The following METTL6 variants were observed in gnomAD, a reference collection of about 807,000 sequenced individuals.
The protein encoded by METTL6 is methyltransferase 6, tRNA N3-cytidine, also known as tRNA N(3)-cytidine methyltransferase METTL6.
Under a neutral mutation model 26.4 loss-of-function variants are expected in METTL6, and 22 were observed. The observed-to-expected ratio is 0.83, with a 90% CI of 0.59 to 1.19. The LOEUF is 1.19. METTL6 is among the 50% of genes most tolerant of loss of function. The pLI, the probability that METTL6 is intolerant of heterozygous loss-of-function variation, is 0.00. For synonymous variants in METTL6, 109 were observed against 116.2 expected, an observed-to-expected ratio of 0.94 and a Z score of 0.40; for missense variants, 304 against 324.8, an observed-to-expected ratio of 0.94 and a Z score of 0.49.
chr3:15,413,869 G>A (rs1176360249), intron 5 of METTL6, 152 bp downstream of exon 5: 1 of 1,520,236 alleles, frequency 6.6e-7, no homozygotes, highest in South Asian at 1.2e-5. Context: ...GTGCCTTCCA[G>A]GTGCTGGGTA....
At chr3:15,394,054 A>T (rs1032878409) in intron 6 of METTL6, among the ~76,000 whole-genome samples, 5 of 152,172 alleles carry the variant, frequency 3.3e-5, no homozygotes, top group African/African-American at 1.2e-4. Context: ...ATTGATTGGA[A>T]TAGTTTCAGA....
At chr3:15,406,294 A>G (rs967602864), downstream of METTL6, among the ~76,000 whole-genome samples, 34 of 151,700 alleles carry the variant, frequency 2.2e-4, no homozygotes, top group African/African-American at 7.7e-4. Context: ...TAAGCACCCA[A>G]ACGTGGGAGA....
chr3:15,381,316 C>T (rs55798276), exon 7 of METTL6: 39,030 of 151,924 alleles, frequency 0.26, 5,377 homozygotes, highest in Non-Finnish European at 0.31. Context: ...AGCCAGCAAA[C>T]CAAGAAAATG....
chr3:15,416,956 G>C (rs763598624), intron 3 of METTL6, among the ~76,000 whole-genome samples: 4 of 152,204 alleles, frequency 2.6e-5, no homozygotes, highest in Non-Finnish European at 4.4e-5. Context: ...TAGACAGGGT[G>C]AATCTAATTC....
chr3:15,401,895 G>C (rs563242859), intron 6 of METTL6, among the ~76,000 whole-genome samples: 7 of 152,182 alleles, frequency 4.6e-5, no homozygotes, highest in Non-Finnish European at 5.9e-5. Context: ...TATACTCAGT[G>C]GGGCAGCCCA....
downstream of METTL6, among the ~76,000 whole-genome samples, chr3:15,405,487 T>A (rs557583661): frequency 2.0e-5 from 3 of 152,340 alleles, no homozygotes; most frequent in African/African-American, 7.2e-5. Flanking sequence ...ATGGGATTGA[T>A]CTTATGAGCT....
intron 6 of METTL6, among the ~76,000 whole-genome samples, chr3:15,389,587 T>C (rs1020208036): frequency 6.6e-6 from 1 of 152,222 alleles, no homozygotes; most frequent in African/African-American, 2.4e-5. Flanking sequence ...TTCACTCTTA[T>C]TGTCCAGGCT....
intron 6 of METTL6, among the ~76,000 whole-genome samples, chr3:15,396,839 C>T (rs1383378419): frequency 6.6e-6 from 1 of 152,170 alleles, no homozygotes; most frequent in Non-Finnish European, 1.5e-5. Flanking sequence ...TTGATCATTC[C>T]TCTGGGAGTT....
chr3:15,412,642 C>G (rs1277432621), intron 5 of METTL6, among the ~76,000 whole-genome samples: 1 of 151,590 alleles, frequency 6.6e-6, no homozygotes, highest in Non-Finnish European at 1.5e-5. Context: ...TGCCACCACT[C>G]CTGGCTAATA....
chr3:15,420,689 G>C (rs544479038), intron 3 of METTL6, among the ~76,000 whole-genome samples: 1 of 152,270 alleles, frequency 6.6e-6, no homozygotes, highest in South Asian at 2.1e-4. Flanking sequence ...ACAACATCTA[G>C]TTCTAGATGT....
chr3:15,393,374 T>C, intron 6 of METTL6, among the ~76,000 whole-genome samples: 1 of 152,226 alleles, frequency 6.6e-6, no homozygotes, highest in East Asian at 1.9e-4. Flanking sequence ...TGAAGTTGCT[T>C]ATGAGCTTAA....
rs751435093 is a variant in METTL6, at chr3:15,426,403, A to C, written c.109T>G (p.Leu37Val). Residue 37 changes from leucine (L) to valine (V), a missense_variant, in exon 2 of 6, where the codon TTG (leucine) becomes GTG (valine). By Grantham distance (32) the Leu-to-Val change is conservative (BLOSUM62 1). Coordinates refer to ENST00000383790, the MANE Select transcript of METTL6 (RefSeq NM_152396.4). ...TLVSDFKQQK[L>V]EQEAQKNWDL... ...CAATTTTTCTGAGCCTCTTGTTCCA[A>C]TTTCTGCTGTTTAAAATCAGACACC... 2.6e-5 allele frequency: 42 copies of C among 1,614,046 alleles called. No homozygotes were observed. The highest frequency in any genetic ancestry group is 1.3e-5 in the African/African-American group (1 of 74,898).
intron 3 of METTL6, 116 bp downstream of exon 3, chr3:15,424,839 C>T: frequency 2.2e-6 from 3 of 1,343,648 alleles, no homozygotes; most frequent in Non-Finnish European, 3.1e-6. Flanking sequence ...TGTATGGTGA[C>T]TATAGCTGGT....
At chr3:15,415,700 A>G in intron 4 of METTL6, 72 bp downstream of exon 4, 1 of 1,597,048 alleles carries the variant, frequency 6.3e-7, no homozygotes, top group Non-Finnish European at 8.5e-7. Context: ...ACAGTACATG[A>G]GCCTCATGAG....
At chr3:15,397,376 G>A (rs376561569) in intron 6 of METTL6, among the ~76,000 whole-genome samples, 7 of 152,124 alleles carry the variant, frequency 4.6e-5, no homozygotes, top group Non-Finnish European at 7.4e-5. Flanking sequence ...TCCAGGTGTC[G>A]TCCGTCACCC....
intron 6 of METTL6, among the ~76,000 whole-genome samples, chr3:15,386,055 G>T (rs1699184436): frequency 6.6e-6 from 1 of 152,184 alleles, no homozygotes; most frequent in African/African-American, 2.4e-5. Context: ...GGCATGGGCT[G>T]CTCTATGAGT....
intron 4 of METTL6, 57 bp downstream of exon 4, chr3:15,415,715 G>A: frequency 5.0e-6 from 8 of 1,598,644 alleles, no homozygotes; most frequent in Non-Finnish European, 6.8e-6. Flanking sequence ...CATGAGGGAA[G>A]GTAAGTAAAA....
At chr3:15,409,601 C>G (rs1406562863), downstream of METTL6, among the ~76,000 whole-genome samples, 1 of 152,114 alleles carries the variant, frequency 6.6e-6, no homozygotes, top group Admixed American at 6.5e-5. Context: ...TAACTCTAAA[C>G]TAGACACCAG....
chr3:15,420,386 GCA>G (rs1351592627), intron 3 of METTL6, among the ~76,000 whole-genome samples: 1 of 152,142 alleles, frequency 6.6e-6, no homozygotes, highest in Non-Finnish European at 1.5e-5. Flanking sequence ...GTTTAGAAGT[GCA>G]CAAAGTATGT....
Sources: allele counts gnomAD v4.1 joint callset (sites outside exome capture counted in the v4.1 genomes callset), GRCh38; gene constraint gnomAD v4.1.1; transcripts MANE v1.5; gene names NCBI Gene and HGNC (gene_info 2026-07-23, HGNC 2026-07-21).